The following RNF216 variants were observed in gnomAD, a reference collection of about 807,000 sequenced individuals.
RNF216 encodes E3 ubiquitin-protein ligase RNF216.
In RNF216, 72 loss-of-function variants were observed where a neutral mutation model predicts 110.8. The observed-to-expected ratio is 0.65, with a 90% CI of 0.54 to 0.79. The LOEUF is 0.79. Among genes scored for constraint, RNF216 ranks in the 30% least tolerant of loss-of-function variants. The pLI, the probability that RNF216 is intolerant of heterozygous loss-of-function variation, is 0.00. For missense variants in RNF216, 1,342 were observed against 1,141.2 expected (o/e 1.18, Z -2.54); for synonymous variants, 495 against 407.5 (o/e 1.21, Z -2.59).
chr7:5,633,000 G>A (rs551604740), intron 15 of RNF216, among the ~76,000 whole-genome samples: 19 of 152,046 alleles, frequency 1.2e-4, no homozygotes, highest in African/African-American at 4.6e-4. Context: ...TTTTTTTTGA[G>A]ACAGAGTCGT....
chr7:5,664,486 T>C (rs1192823209), intron 13 of RNF216, among the ~76,000 whole-genome samples: 3 of 152,246 alleles, frequency 2.0e-5, no homozygotes, highest in African/African-American at 7.2e-5. Flanking sequence ...CTTTGTTGAT[T>C]TTCTCCTGTA....
At chr7:5,771,523 G>A (rs1302047182) in intron 1 of RNF216, among the ~76,000 whole-genome samples, 2 of 152,226 alleles carry the variant, frequency 1.3e-5, no homozygotes, top group Non-Finnish European at 2.9e-5. Flanking sequence ...CCGGCGGGGT[G>A]CAGTGGCTCA....
intron 15 of RNF216, among the ~76,000 whole-genome samples, chr7:5,637,653 C>T (rs900128869): frequency 6.6e-6 from 1 of 152,088 alleles, no homozygotes; most frequent in Non-Finnish European, 1.5e-5. Context: ...CTAAAGCAAT[C>T]GCCCTGGAAG....
At chr7:5,682,577 T>C (rs1790730612) in intron 13 of RNF216, among the ~76,000 whole-genome samples, 1 of 152,080 alleles carries the variant, frequency 6.6e-6, no homozygotes, top group Non-Finnish European at 1.5e-5. Flanking sequence ...CGGGCTATTT[T>C]TGTATTTTTA....
intron 16 of RNF216, among the ~76,000 whole-genome samples, chr7:5,623,544 C>T (rs1786522529): frequency 6.6e-6 from 1 of 151,998 alleles, no homozygotes; most frequent in Admixed American, 6.6e-5. Context: ...AACTGATCCA[C>T]CTGCCTCACC....
At chr7:5,751,827 TAAAAAAA>T (rs3075700) in intron 3 of RNF216, among the ~76,000 whole-genome samples, 7 of 37,276 alleles carry the variant, frequency 1.9e-4, no homozygotes, top group Non-Finnish European at 2.6e-4. Context: ...ATCTTTAAAC[TAAAAAAA>T]AAAAAAAAAA....
At chr7:5,636,430 T>C (rs1361780380) in intron 15 of RNF216, among the ~76,000 whole-genome samples, 3 of 152,166 alleles carry the variant, frequency 2.0e-5, no homozygotes, top group Admixed American at 6.5e-5. Context: ...GTAGTTCAGG[T>C]TCCCAAGCAA....
At chr7:5,698,384 T>TACACACACACAC (rs376096873) in intron 13 of RNF216, among the ~76,000 whole-genome samples, 3,083 of 145,352 alleles carry the variant, frequency 0.021, 62 homozygotes, top group African/African-American at 0.047. Context: ...GATTCTTTTA[T>TACACACACACAC]ACACACACAC....
In RNF216 at chr7:5,641,035, G is replaced by A; in HGVS notation, c.2382+119C>T. On this transcript the variant is annotated intron_variant, in intron 15 of 16. Transcript: ENST00000389902. ...ATTTTTTCTTTGGTTATCAGTCTAT[G>A]TAATTTCCTATATTCTTCTCCTAAG... 3 of 781,342 alleles carry A rather than the reference G, an allele frequency of 3.8e-6. No individual in the cohort carries two copies. In the South Asian group the frequency reaches 5.7e-5, roughly 15 times the overall value. 48.4% of individuals were successfully genotyped at this position (781,342 alleles called of 1,614,324 possible). A position where few individuals can be genotyped will look rare whatever the true frequency, so the allele number is the denominator to read the frequency against.
At chr7:5,666,993 G>A (rs112257846) in intron 13 of RNF216, among the ~76,000 whole-genome samples, 1 of 151,934 alleles carries the variant, frequency 6.6e-6, no homozygotes, top group African/African-American at 2.4e-5. Flanking sequence ...TTTTTGTACA[G>A]ACCAGGTCTT....
chr7:5,737,104 T>G (rs549137199), intron 5 of RNF216, among the ~76,000 whole-genome samples: 6 of 152,242 alleles, frequency 3.9e-5, no homozygotes, highest in Non-Finnish European at 8.8e-5. Flanking sequence ...GGGGAAAAGA[T>G]AGAGAAATCA....
rs564033701 is a variant in RNF216 at position 5,717,587 on chromosome 7, A to T, written c.1645-821T>A. Among the ~76,000 whole-genome samples the T allele has an allele frequency of 1.6e-4, 24 of 152,320 alleles. No homozygotes were observed. In the South Asian group the frequency reaches 5.0e-3, roughly 32 times the overall value. ...AACTTATCATGGCACTATTTATAATAGCAAAAACCTGGAAACAACCCTAAA... is the reference window on the plus strand; with the variant it reads ...AACTTATCATGGCACTATTTATAATTGCAAAAACCTGGAAACAACCCTAAA... On this transcript the variant is annotated intron_variant, in intron 9 of 16. Transcript: ENST00000389902.
intron 13 of RNF216, among the ~76,000 whole-genome samples, chr7:5,706,668 T>C (rs183751075): frequency 8.5e-5 from 13 of 152,238 alleles, no homozygotes; most frequent in South Asian, 2.1e-4. Context: ...TGAATAATGC[T>C]GCAATGAACA....
intron 14 of RNF216, among the ~76,000 whole-genome samples, chr7:5,646,024 T>C (rs1788029569): frequency 6.6e-6 from 1 of 152,254 alleles, no homozygotes; most frequent in Non-Finnish European, 1.5e-5. Flanking sequence ...TTGTTTAGTA[T>C]GCCCAATGTG....
intron 13 of RNF216, among the ~76,000 whole-genome samples, chr7:5,707,038 T>TC (rs777420230): frequency 1.0e-3 from 154 of 152,240 alleles, no homozygotes; most frequent in Non-Finnish European, 2.0e-3. Flanking sequence ...GACTACCTTT[T>TC]CCCCCGGTGG....
At chr7:5,743,767 C>G (rs1794893116) in intron 3 of RNF216, among the ~76,000 whole-genome samples, 1 of 152,176 alleles carries the variant, frequency 6.6e-6, no homozygotes, top group Admixed American at 6.5e-5. Context: ...GATGGTGAAT[C>G]TCAGGCTTTA....
At chr7:5,646,640 C>T (rs1190667710) in intron 14 of RNF216, among the ~76,000 whole-genome samples, 1 of 151,514 alleles carries the variant, frequency 6.6e-6, no homozygotes, top group Non-Finnish European at 1.5e-5. Context: ...TTGCAGTGAG[C>T]CAAGATTGCA....
chr7:5,654,826 A>G (rs532786937), intron 13 of RNF216, among the ~76,000 whole-genome samples: 2 of 152,196 alleles, frequency 1.3e-5, no homozygotes, highest in East Asian at 3.9e-4. Flanking sequence ...CCTACATCCC[A>G]TTCAGTAAAC....
intron 10 of RNF216, among the ~76,000 whole-genome samples, chr7:5,715,954 G>A (rs1391696083): frequency 6.6e-6 from 1 of 151,998 alleles, no homozygotes; most frequent in Non-Finnish European, 1.5e-5. Flanking sequence ...CGTTGACCAG[G>A]CTGGTCTCAA....
Sources: allele counts gnomAD v4.1 joint callset (sites outside exome capture counted in the v4.1 genomes callset), GRCh38; gene constraint gnomAD v4.1.1; transcripts MANE v1.5; gene names NCBI Gene and HGNC (gene_info 2026-07-23, HGNC 2026-07-21).